The following VPS13A variants were observed in gnomAD, a reference collection of about 807,000 sequenced individuals.
The protein encoded by VPS13A is vacuolar protein sorting 13 homolog A.
VPS13A carries 264 observed loss-of-function variants against 390.9 expected under a neutral mutation model. The ratio of observed to expected loss-of-function variants is 0.68; its 90% CI spans 0.61 to 0.75. The LOEUF is 0.75. VPS13A is among the 30% of genes least tolerant of loss of function. The pLI, the probability that VPS13A is intolerant of heterozygous loss-of-function variation, is 0.00. For synonymous variants in VPS13A, 1,231 were observed against 1,227.1 expected (o/e 1.00, Z -0.07); for missense variants, 3,409 against 3,733.9 (o/e 0.91, Z 2.27).
At chr9:77,181,045 CTG>C (rs1772357476) in intron 1 of VPS13A, among the ~76,000 whole-genome samples, 1 of 152,056 alleles carries the variant, frequency 6.6e-6, no homozygotes, top group Non-Finnish European at 1.5e-5. Context: ...CAGCGAGACT[CTG>C]TCTCAAAATA....
At chr9:77,357,265 A>G (rs952267717) in intron 55 of VPS13A, among the ~76,000 whole-genome samples, 5 of 144,718 alleles carry the variant, frequency 3.5e-5, no homozygotes, top group Non-Finnish European at 6.0e-5. Context: ...GTTGCAGTGA[A>G]CCAAGATGGC....
intron 17 of VPS13A, among the ~76,000 whole-genome samples, chr9:77,232,369 CAA>C (rs1380322922): frequency 1.3e-5 from 2 of 152,090 alleles, no homozygotes; most frequent in African/African-American, 4.8e-5. Context: ...GCCATAATAA[CAA>C]TATTAAGTCT....
At chr9:77,218,348 C>A (rs1187902282) in intron 10 of VPS13A, among the ~76,000 whole-genome samples, 3 of 152,016 alleles carry the variant, frequency 2.0e-5, no homozygotes, top group Non-Finnish European at 2.9e-5. Flanking sequence ...CTTCTGACCT[C>A]ATGATCTGCC....
rs2131654691 is a variant in VPS13A at position 77,405,933 on chromosome 9, A to G, written c.9345A>G (p.Glu3115=). The change falls in exon 70 of 72, where the codon GAA becomes GAG. Residue 3115 remains glutamate (E), a synonymous_variant. Coordinates refer to ENST00000360280, the MANE Select transcript of VPS13A (RefSeq NM_033305.3). ...GTGAGTGGCAGTATAGTTTTGATGAATTTACCAAAGAGCCATTCATTGTTC... is the reference window on the plus strand; with the variant it reads ...GTGAGTGGCAGTATAGTTTTGATGAGTTTACCAAAGAGCCATTCATTGTTC... ...LTCEWQYSFD[E]FTKEPFIVHG... is the part of the protein sequence containing the mutation. The G allele has an allele frequency of 1.9e-6, 3 of 1,613,946 alleles. No individual in the cohort carries two copies. Among genetic ancestry groups the G allele is most frequent in the Middle Eastern group, 1.7e-4 (1 of 6,058 alleles).
At chr9:77,411,879 C>CAAAT (rs1834949437) in intron 71 of VPS13A, among the ~76,000 whole-genome samples, 2 of 151,712 alleles carry the variant, frequency 1.3e-5, no homozygotes, top group South Asian at 2.1e-4. Flanking sequence ...AGGGAAGAAT[C>CAAAT]AAATAGATGC....
Position 77,403,256 on chromosome 9 carries a change from T to C in VPS13A, c.9210T>C (p.Phe3070=). Residue 3070 remains phenylalanine (F), a synonymous_variant, in exon 69 of 72, where the codon TTT becomes TTC. Transcript: ENST00000360280. ...QMLQVMENGR[F]AKYKYFTHVM... ...TTTAGGTCATGGAAAATGGAAGATT[T>C]GCAAAATACAAATATTTTACCCATG... 6.2e-7 allele frequency: 1 copy of C among 1,612,202 alleles called. No homozygotes were observed. The highest frequency in any genetic ancestry group is 8.5e-7 in the Non-Finnish European group (1 of 1,179,400).
Position 77,316,360 on chromosome 9 carries a change from G to C in VPS13A, c.4817G>C (p.Arg1606Thr). 6.2e-7 allele frequency: 1 copy of C among 1,613,142 alleles called. No homozygotes were observed. Among genetic ancestry groups the C allele is most frequent in the East Asian group, 2.2e-5 (1 of 44,796 alleles). ...MTAAIKDLQV[R>T]ACPFLPVKRK... Reference sequence around the variant, plus strand: ...GCTGCCATTAAAGATCTCCAAGTGAGAGCCTGCCCGTTTCTTCCAGTCAAG... The same window carrying C: ...GCTGCCATTAAAGATCTCCAAGTGACAGCCTGCCCGTTTCTTCCAGTCAAG... The change falls in exon 39 of 72, where the codon AGA becomes ACA. Residue 1606 changes from arginine to threonine, a missense_variant. By Grantham distance (71) the Arg-to-Thr change is moderately conservative (BLOSUM62 -1). Transcript: ENST00000360280.
At chr9:77,185,527 G>C (rs1445795672) in intron 1 of VPS13A, among the ~76,000 whole-genome samples, 2 of 152,140 alleles carry the variant, frequency 1.3e-5, no homozygotes, top group Non-Finnish European at 2.9e-5. Flanking sequence ...GGGATTGGGG[G>C]AAAAACTTCA....
At chr9:77,259,314 G>A (rs1825627959) in intron 22 of VPS13A, among the ~76,000 whole-genome samples, 2 of 152,028 alleles carry the variant, frequency 1.3e-5, no homozygotes, top group African/African-American at 4.8e-5. Context: ...AAGTTTAAGT[G>A]CATTAAGAGA....
intron 17 of VPS13A, among the ~76,000 whole-genome samples, chr9:77,229,611 C>G (rs1823710009): frequency 6.6e-6 from 1 of 152,142 alleles, no homozygotes; most frequent in Admixed American, 6.5e-5. Flanking sequence ...TTAGTACATT[C>G]CTTTTTATTG....
intron 1 of VPS13A, among the ~76,000 whole-genome samples, chr9:77,185,250 T>C (rs995428294): frequency 6.6e-6 from 1 of 152,150 alleles, no homozygotes; most frequent in South Asian, 2.1e-4. Flanking sequence ...CAAGTGATTC[T>C]CCTGCCTCAG....
At chr9:77,294,880 T>C (rs1449424155) in intron 32 of VPS13A, among the ~76,000 whole-genome samples, 1 of 150,224 alleles carries the variant, frequency 6.7e-6, no homozygotes, top group Admixed American at 6.7e-5. Flanking sequence ...TTATTTTTAA[T>C]TTTTTTTTTA....
At chr9:77,370,111 A>C in intron 63 of VPS13A, 146 bp from the exon 64 acceptor site, 1 of 859,446 alleles carries the variant, frequency 1.2e-6, no homozygotes, top group Non-Finnish European at 1.9e-6. Context: ...GAATTCTTTT[A>C]ATGTGAAACT....
chr9:77,214,491 A>G (rs995488485), intron 10 of VPS13A, 105 bp downstream of exon 10: 5 of 822,084 alleles, frequency 6.1e-6, no homozygotes, highest in African/African-American at 5.2e-5. Flanking sequence ...ATTTCCTTCT[A>G]TATAGTTAAA....
Position 77,237,143 on chromosome 9 carries a change from C to T in VPS13A, c.1596-859C>T, listed in dbSNP as rs535250441. Among the ~76,000 whole-genome samples, 576 of 152,184 alleles carry T rather than the reference C, an allele frequency of 3.8e-3. 2 individuals carry two copies. The highest frequency in any genetic ancestry group is 0.013 in the African/African-American group (543 of 41,532). ...GACCTCGTGATCCGCCTGCCTCAGC[C>T]TCCCAAAGTGCTGGGATTACAGGCG... On this transcript the variant is annotated intron_variant, in intron 17 of 71. Coordinates refer to ENST00000360280, the MANE Select transcript of VPS13A (RefSeq NM_033305.3).
chr9:77,321,859 T>C, intron 44 of VPS13A, 113 bp downstream of exon 44: 1 of 1,339,474 alleles, frequency 7.5e-7, no homozygotes, highest in Non-Finnish European at 1.0e-6. Context: ...TTTGTTTTTG[T>C]TTTTTTAAAA....
intron 52 of VPS13A, among the ~76,000 whole-genome samples, chr9:77,347,830 C>T (rs1016445638): frequency 2.6e-5 from 4 of 151,820 alleles, no homozygotes; most frequent in Non-Finnish European, 4.4e-5. Context: ...ATTTATCTTT[C>T]CGTGGCCTAA....
chr9:77,369,003 G>T (rs933032419), intron 62 of VPS13A, among the ~76,000 whole-genome samples: 1 of 152,122 alleles, frequency 6.6e-6, no homozygotes, highest in Non-Finnish European at 1.5e-5. Context: ...GCATGGTGGT[G>T]CATGCCTGTA....
At chr9:77,278,237 A>ATT (rs57545793) in intron 26 of VPS13A, among the ~76,000 whole-genome samples, 2,004 of 115,324 alleles carry the variant, frequency 0.017, 35 homozygotes, top group Middle Eastern at 0.029. Flanking sequence ...CGCCCAGCTA[A>ATT]TTTTTTTTTT....
Sources: gnomAD v4.1 joint callset for allele counts (sites outside exome capture counted in the v4.1 genomes callset) on GRCh38, gnomAD v4.1.1 for gene constraint, MANE v1.5 for transcripts, NCBI Gene and HGNC (gene_info 2026-07-23, HGNC 2026-07-21) for gene names.